The following PDZD2 variants were observed in gnomAD, a reference collection of about 807,000 sequenced individuals.
PDZD2 encodes PDZ domain-containing protein 2.
In PDZD2, 90 loss-of-function variants were observed where a neutral mutation model predicts 220.7. The ratio of observed to expected loss-of-function variants is 0.41; its 90% CI spans 0.34 to 0.49. PDZD2 has a LOEUF of 0.49. PDZD2 is among the 20% of genes least tolerant of loss of function. The pLI is 0.28. For missense variants in PDZD2, 3,174 were observed against 3,608.5 expected, an observed-to-expected ratio of 0.88 and a Z score of 3.08; for synonymous variants, 1,375 against 1,450.5, an observed-to-expected ratio of 0.95 and a Z score of 1.18.
chr5:32,044,206 G>A (rs1737705869), intron 7 of PDZD2, among the ~76,000 whole-genome samples: 1 of 152,076 alleles, frequency 6.6e-6, no homozygotes, highest in Non-Finnish European at 1.5e-5. Flanking sequence ...GCAGGTACCT[G>A]TAATTGCAGC....
intron 2 of PDZD2, among the ~76,000 whole-genome samples, chr5:31,850,761 CG>C (rs1458855976): frequency 6.6e-6 from 1 of 151,746 alleles, no homozygotes; most frequent in African/African-American, 2.4e-5. Context: ...CTCAGCCTCC[CG>C]AGTAGCTGGG....
At chr5:31,903,705 G>A (rs950532956) in intron 2 of PDZD2, among the ~76,000 whole-genome samples, 1 of 150,842 alleles carries the variant, frequency 6.6e-6, no homozygotes, top group Non-Finnish European at 1.5e-5. Context: ...TTGTAAATTA[G>A]TGAAAAACAT....
rs1561551713 is a variant in PDZD2 at position 32,088,098 on chromosome 5, C to T, written c.4650C>T (p.Ser1550=). The change falls in exon 20 of 25, where the codon TCC becomes TCT. Residue 1550 remains serine, a synonymous_variant. Transcript: ENST00000438447. This position sits in a 1 kb window ranked among gnomAD's most constrained non-coding sequence, Gnocchi z 4.6. The stretch of plus-strand genomic sequence containing the variant: ...ACAGCACGGAGCCGTCTCTGTCATC[C>T]ATGTATGGCGATGCTGAGGATTCTT... ...LGDSTEPSLS[S]MYGDAEDSSS... 1 of 1,614,194 alleles carries T rather than the reference C, an allele frequency of 6.2e-7. No homozygotes were observed. The highest frequency in any genetic ancestry group is 8.5e-7 in the Non-Finnish European group (1 of 1,180,018).
At chr5:31,933,430 G>A (rs948508216) in intron 2 of PDZD2, among the ~76,000 whole-genome samples, 1 of 152,012 alleles carries the variant, frequency 6.6e-6, no homozygotes, top group Non-Finnish European at 1.5e-5. Context: ...GTCTGCTTTC[G>A]GTTCTTGGGT....
intron 1 of PDZD2, among the ~76,000 whole-genome samples, chr5:31,719,800 A>G (rs1038276361): frequency 1.3e-5 from 2 of 152,196 alleles, no homozygotes; most frequent in African/African-American, 4.8e-5. Flanking sequence ...TTGAATATGC[A>G]TAACATTTTG....
In PDZD2 at chr5:31,692,261, C is replaced by T. The variant is rs889030386; in HGVS notation, c.-361+52824C>T. ...GCCGGTGGGGCCGGCCGGGCGAGTGCGGGGTCCGCGGAGCCTACGCCCACT... is the reference window on the plus strand; with the variant it reads ...GCCGGTGGGGCCGGCCGGGCGAGTGTGGGGTCCGCGGAGCCTACGCCCACT... On this transcript the variant is annotated intron_variant, in intron 1 of 24. Transcript: ENST00000438447. Among the ~76,000 whole-genome samples the T allele has an allele frequency of 7.2e-5, 11 of 152,182 alleles. No homozygotes were observed. The East Asian group carries it at 1.2e-3, about 16-fold the overall frequency.
intron 1 of PDZD2, among the ~76,000 whole-genome samples, chr5:31,684,854 C>T (rs1746788110): frequency 6.6e-6 from 1 of 152,146 alleles, no homozygotes; most frequent in Non-Finnish European, 1.5e-5. Flanking sequence ...GTTTTTAGGT[C>T]TCAACTCATG....
chr5:31,973,178 T>G (rs1749456708), intron 2 of PDZD2, among the ~76,000 whole-genome samples: 1 of 152,218 alleles, frequency 6.6e-6, no homozygotes, highest in Non-Finnish European at 1.5e-5. Flanking sequence ...AACCAAATCT[T>G]CATGTAAGCT....
At chr5:31,923,983 T>G (rs1411973145) in intron 2 of PDZD2, among the ~76,000 whole-genome samples, 2 of 151,842 alleles carry the variant, frequency 1.3e-5, no homozygotes, top group Non-Finnish European at 2.9e-5. Context: ...TGCACCACAC[T>G]CAGGGGAGTC....
At chr5:32,042,761 A>C (rs1756306291) in intron 7 of PDZD2, among the ~76,000 whole-genome samples, 1 of 152,184 alleles carries the variant, frequency 6.6e-6, no homozygotes, top group Admixed American at 6.5e-5. Flanking sequence ...TCCAGCCCTG[A>C]GGAAGAACAA....
At chr5:31,659,577 A>G (rs1374376083) in intron 1 of PDZD2, among the ~76,000 whole-genome samples, 2 of 151,780 alleles carry the variant, frequency 1.3e-5, no homozygotes, top group African/African-American at 4.8e-5. Flanking sequence ...TCACCTCTCT[A>G]TGGCTCTGTA....
In PDZD2 at chr5:32,088,712, C is replaced by T; in HGVS notation, c.5264C>T (p.Ala1755Val). 6.2e-7 allele frequency: 1 copy of T among 1,614,092 alleles called. No homozygotes were observed. The highest frequency in any genetic ancestry group is 8.5e-7 in the Non-Finnish European group (1 of 1,179,956). Residue 1755 changes from alanine (A) to valine (V), a missense_variant, in exon 20 of 25, where the codon GCC becomes GTC. Physicochemically the swap from Ala to Val is moderately conservative, Grantham distance 64. This residue lies in a region of PDZD2 where 1,861 missense variants were observed against 2,001.0 expected (regional missense o/e 0.93). Transcript: ENST00000438447. This position sits in a 1 kb window ranked among gnomAD's most constrained non-coding sequence, Gnocchi z 4.6. Reference protein sequence around the residue: ...NQYETSINAAASLSSFSVDVP... With the variant: ...NQYETSINAAVSLSSFSVDVP... ...TACGAAACAAGCATTAATGCAGCTG[C>T]CAGTCTGTCCTCCTTCAGTGTGGAT...
chr5:31,670,480 G>A (rs1053890106), intron 1 of PDZD2, among the ~76,000 whole-genome samples: 3 of 152,088 alleles, frequency 2.0e-5, no homozygotes, highest in Admixed American at 6.6e-5. Context: ...GCAGTGGCGC[G>A]ATCTCAGCTC....
intron 1 of PDZD2, among the ~76,000 whole-genome samples, chr5:31,694,968 AC>A (rs1747317550): frequency 6.6e-6 from 1 of 151,944 alleles, no homozygotes. Flanking sequence ...TACTGAAAAT[AC>A]AAAAATTAGC....
At chr5:31,872,573 C>T (rs928144160) in intron 2 of PDZD2, among the ~76,000 whole-genome samples, 5 of 152,148 alleles carry the variant, frequency 3.3e-5, no homozygotes, top group African/African-American at 1.2e-4. Flanking sequence ...TGTTAACTGG[C>T]CTGTCATTGC....
At chr5:31,664,877 ATGG>A (rs1489193995) in intron 1 of PDZD2, 1 of 152,088 alleles carries the variant, frequency 6.6e-6, no homozygotes, top group Non-Finnish European at 1.5e-5. Flanking sequence ...AAGGGAGGAG[ATGG>A]TGGCGAGAAG....
intron 2 of PDZD2, chr5:31,847,461 G>A (rs951777714): frequency 5.0e-5 from 29 of 583,478 alleles, no homozygotes; most frequent in African/African-American, 1.3e-4. Flanking sequence ...GTCAGATTGC[G>A]TATGCCCATG....
rs201905215 is a variant in PDZD2 at position 32,010,674 on chromosome 5, GA to G, written c.1407+200del. On this transcript the variant is annotated intron_variant, in intron 6 of 24. Coordinates refer to ENST00000438447, the MANE Select transcript of PDZD2 (RefSeq NM_178140.4). ...GTGAGGGTGATATTTTTCCTTTAAGGAAAAAAAATGAAATGGTAAACAAGAT... is the reference window on the plus strand; with the variant it reads ...GTGAGGGTGATATTTTTCCTTTAAGGAAAAAAATGAAATGGTAAACAAGAT... 1,899 of 650,812 alleles carry G rather than the reference GA, an allele frequency of 2.9e-3. 18 individuals carry two copies. Among genetic ancestry groups the G allele is most frequent in the East Asian group, 0.015 (493 of 32,708 alleles). 40.3% of individuals were successfully genotyped at this position (650,812 alleles called of 1,614,324 possible).
intron 3 of PDZD2, among the ~76,000 whole-genome samples, chr5:31,986,076 CAA>C (rs55659088): frequency 7.7e-4 from 79 of 102,682 alleles, no homozygotes; most frequent in East Asian, 5.8e-3. Context: ...ACTCTTGTCT[CAA>C]AAAAAAAAAA....
Sources: allele counts gnomAD v4.1 joint callset (sites outside exome capture counted in the v4.1 genomes callset), GRCh38; gene constraint gnomAD v4.1.1; regional missense constraint gnomAD v4.1.1; non-coding constraint Gnocchi (gnomAD v3.1); transcripts MANE v1.5; gene names NCBI Gene and HGNC (gene_info 2026-07-23, HGNC 2026-07-21).